Variants in ADCY5 observed in about 807,000 individuals in gnomAD.
ADCY5 encodes adenylate cyclase type 5.
In ADCY5, 30 loss-of-function variants were observed where a neutral mutation model predicts 119.7. The observed-to-expected ratio is 0.25, with a 90% CI of 0.19 to 0.34. ADCY5 has a LOEUF of 0.34. Among genes scored for constraint, ADCY5 ranks in the 10% least tolerant of loss-of-function variants. The pLI, the probability that ADCY5 is intolerant of heterozygous loss-of-function variation, is 1.00. For synonymous variants in ADCY5, 753 were observed against 762.2 expected (o/e 0.99, Z 0.20); for missense variants, 1,324 against 1,775.2 (o/e 0.75, Z 4.57).
At chr3:123,369,033 C>T (rs1443745985) in intron 1 of ADCY5, among the ~76,000 whole-genome samples, 1 of 151,948 alleles carries the variant, frequency 6.6e-6, no homozygotes, top group Non-Finnish European at 1.5e-5. Context: ...TTGAATGTAC[C>T]CCGAAATTTA....
At chr3:123,313,008 C>CCTTG (rs1210317921) in intron 12 of ADCY5, among the ~76,000 whole-genome samples, 38 of 139,448 alleles carry the variant, frequency 2.7e-4, no homozygotes, top group African/African-American at 1.1e-3. Context: ...AGTGGACAGG[C>CCTTG]AGGGAACCAG....
At chr3:123,446,026 G>T (rs369251826) in intron 1 of ADCY5, among the ~76,000 whole-genome samples, 30 of 152,292 alleles carry the variant, frequency 2.0e-4, no homozygotes, top group African/African-American at 7.2e-4. Context: ...TACAGCTTGG[G>T]GCAGAGGACG....
intron 1 of ADCY5, among the ~76,000 whole-genome samples, chr3:123,429,568 G>A (rs1185941116): frequency 2.7e-5 from 4 of 150,908 alleles, no homozygotes; most frequent in Admixed American, 6.6e-5. Context: ...TTCTTCACTC[G>A]GGGCCTGGAG....
chr3:123,332,498 G>C, intron 4 of ADCY5, 66 bp downstream of exon 4: 2 of 1,252,536 alleles, frequency 1.6e-6, no homozygotes, highest in Non-Finnish European at 2.3e-6. Context: ...GCAGGTCCTC[G>C]ACCACAGCAG....
At chr3:123,347,595 A>G (rs928151551) in intron 3 of ADCY5, among the ~76,000 whole-genome samples, 187 bp downstream of exon 3, 1 of 152,040 alleles carries the variant, frequency 6.6e-6, no homozygotes, top group Non-Finnish European at 1.5e-5. Flanking sequence ...AAAAAGCTCC[A>G]TGGGACACCA....
At chr3:123,357,790 A>C (rs995885022) in intron 1 of ADCY5, among the ~76,000 whole-genome samples, 4 of 152,194 alleles carry the variant, frequency 2.6e-5, no homozygotes, top group Non-Finnish European at 4.4e-5. Flanking sequence ...CCCTGTGCAG[A>C]TGCTCCGCTT....
At chr3:123,426,448 C>T (rs1185084718) in intron 1 of ADCY5, among the ~76,000 whole-genome samples, 2 of 151,950 alleles carry the variant, frequency 1.3e-5, no homozygotes, top group Admixed American at 1.3e-4. Flanking sequence ...CTCAACCTCC[C>T]GAGTAGCTGG....
At chr3:123,439,586 A>C (rs1447836163) in intron 1 of ADCY5, among the ~76,000 whole-genome samples, 1 of 152,236 alleles carries the variant, frequency 6.6e-6, no homozygotes. Context: ...CAGGAAAAAA[A>C]CATAATGTTA....
intron 1 of ADCY5, among the ~76,000 whole-genome samples, chr3:123,441,984 A>AG (rs1945732016): frequency 6.6e-6 from 1 of 150,702 alleles, no homozygotes; most frequent in Admixed American, 6.6e-5. Flanking sequence ...AGGAAGGAAA[A>AG]AAAAAAAAAA....
At position 123,410,810 on chromosome 3, in the gene ADCY5, GCTAA is replaced by G. The variant is rs1269787962; in HGVS notation, c.1134+36598_1134+36601del. On this transcript the variant is annotated intron_variant, in intron 1 of 20. Coordinates refer to ENST00000462833, the MANE Select transcript of ADCY5 (RefSeq NM_183357.3). ...CTACAGGCATGTATCACCTTGCTGG[GCTAA>G]CTTTTTCATTTTTTGTAGAGATGCA... 2.6e-5 allele frequency among the ~76,000 whole-genome samples: 4 copies of G among 152,204 alleles called. No homozygotes were observed. In the East Asian group the frequency reaches 5.8e-4, roughly 22 times the overall value.
intron 1 of ADCY5, among the ~76,000 whole-genome samples, chr3:123,369,164 AGAG>A (rs66802113): frequency 0.063 from 9,657 of 152,274 alleles, 403 homozygotes; most frequent in Non-Finnish European, 0.096. Flanking sequence ...CTTTATAAGA[AGAG>A]GAGAAGAGAC....
chr3:123,417,376 A>G (rs945809396), intron 1 of ADCY5, among the ~76,000 whole-genome samples: 4 of 152,324 alleles, frequency 2.6e-5, no homozygotes, highest in African/African-American at 9.6e-5. Flanking sequence ...GAGGGAGATA[A>G]CGGCCCGCTG....
At chr3:123,313,014 A>G (rs1386086984) in intron 12 of ADCY5, among the ~76,000 whole-genome samples, 38 of 152,168 alleles carry the variant, frequency 2.5e-4, no homozygotes, top group African/African-American at 8.0e-4. Flanking sequence ...CAGGCAGGGA[A>G]CCAGCTAACG....
At chr3:123,284,834 G>A (rs1576516836) in intron 20 of ADCY5, 98 bp from the exon 21 acceptor site, 16 of 1,509,734 alleles carry the variant, frequency 1.1e-5, no homozygotes, top group South Asian at 4.7e-5. Flanking sequence ...CCCTGTTGCC[G>A]CCCCTGACAC....
chr3:123,342,751 A>AG (rs58026818), intron 3 of ADCY5, among the ~76,000 whole-genome samples: 151,285 of 152,334 alleles, frequency 0.99, 75,139 homozygotes, highest in East Asian at 1. Context: ...CAGACCAGTC[A>AG]GTGCAGGGTC....
At position 123,352,376 on chromosome 3, in the gene ADCY5, G is replaced by A; in HGVS notation, c.1284+56C>T. ...CGCCCTAGGCCAGGCACTCAGCTGA[G>A]GTACATCTCAGGGCTCGACTCCGTC... On this transcript the variant is annotated intron_variant, in intron 2 of 20. Transcript: ENST00000462833. This position sits in a 1 kb window ranked among gnomAD's most constrained non-coding sequence, Gnocchi z 4.8. 2 of 1,548,402 alleles carry A rather than the reference G, an allele frequency of 1.3e-6. No individual in the cohort carries two copies. The highest frequency in any genetic ancestry group is 1.7e-6 in the Non-Finnish European group (2 of 1,146,944).
At chr3:123,390,428 G>A (rs1373278295) in intron 1 of ADCY5, among the ~76,000 whole-genome samples, 1 of 152,214 alleles carries the variant, frequency 6.6e-6, no homozygotes, top group Admixed American at 6.5e-5. Context: ...ACCTCCTCAT[G>A]GGAGACCTGT....
At chr3:123,411,866 A>G (rs1945057805) in intron 1 of ADCY5, among the ~76,000 whole-genome samples, 1 of 151,994 alleles carries the variant, frequency 6.6e-6, no homozygotes, top group African/African-American at 2.4e-5. Flanking sequence ...TCCCAGGTGG[A>G]CTCACTGTGG....
At chr3:123,378,185 C>G (rs941478650) in intron 1 of ADCY5, among the ~76,000 whole-genome samples, 8 of 152,162 alleles carry the variant, frequency 5.3e-5, no homozygotes, top group Non-Finnish European at 1.0e-4. Flanking sequence ...GGTCACTCAA[C>G]TCTCATCTTC....
Sources: allele counts gnomAD v4.1 joint callset (sites outside exome capture counted in the v4.1 genomes callset), GRCh38; gene constraint gnomAD v4.1.1; non-coding constraint Gnocchi (gnomAD v3.1); transcripts MANE v1.5; gene names NCBI Gene and HGNC (gene_info 2026-07-23, HGNC 2026-07-21).